Variants in ZFYVE9 observed in about 807,000 individuals in gnomAD.
ZFYVE9 encodes zinc finger FYVE-type containing 9.
Under a neutral mutation model 126.7 loss-of-function variants are expected in ZFYVE9, and 43 were observed. That is an observed-to-expected ratio of 0.34 (90% CI 0.27 to 0.44). The LOEUF is 0.44. Among genes scored for constraint, ZFYVE9 ranks in the 20% least tolerant of loss-of-function variants. The probability of loss-of-function intolerance (pLI) is 1.00; values close to 1 mark genes in which losing one functional copy is unlikely to be tolerated. For synonymous variants in ZFYVE9, 521 were observed against 597.4 expected, an observed-to-expected ratio of 0.87 and a Z score of 1.87; for missense variants, 1,476 against 1,697.0, an observed-to-expected ratio of 0.87 and a Z score of 2.29.
chr1:52,254,945 A>T (rs1428009603), intron 4 of ZFYVE9, among the ~76,000 whole-genome samples: 1 of 151,990 alleles, frequency 6.6e-6, no homozygotes, highest in African/African-American at 2.4e-5. Context: ...ATTAAAAAAT[A>T]GCTGGATATG....
At chr1:52,146,509 A>G (rs956555955) in intron 1 of ZFYVE9, among the ~76,000 whole-genome samples, 6 of 152,136 alleles carry the variant, frequency 3.9e-5, no homozygotes, top group East Asian at 3.8e-4. Context: ...CAAGTTTGTT[A>G]CCCTCTTTAA....
chr1:52,182,723 G>A (rs1644723809), intron 1 of ZFYVE9, among the ~76,000 whole-genome samples: 1 of 150,448 alleles, frequency 6.6e-6, no homozygotes. Flanking sequence ...CCCCCTCTGC[G>A]AGAAACACCC....
At position 52,215,531 on chromosome 1, in the gene ZFYVE9, T is replaced by G. The variant is rs142589972; in HGVS notation, c.-142-838T>G. On this transcript the variant is annotated intron_variant, in intron 1 of 18. Coordinates refer to ENST00000287727, the MANE Select transcript of ZFYVE9 (RefSeq NM_004799.4). Reference sequence around the variant, plus strand: ...TGCTGCCTCAGTTTATCTTTAAAATTAAGTAGTGTTCATTAAATTATCTCC... The same window carrying G: ...TGCTGCCTCAGTTTATCTTTAAAATGAAGTAGTGTTCATTAAATTATCTCC... Among the ~76,000 whole-genome samples, 1,096 of 152,334 alleles carry G rather than the reference T, an allele frequency of 7.2e-3. 12 individuals are homozygous for G. The highest frequency in any genetic ancestry group is 0.025 in the African/African-American group (1,040 of 41,590).
chr1:52,160,837 A>G (rs982585565), intron 1 of ZFYVE9, among the ~76,000 whole-genome samples: 5 of 152,200 alleles, frequency 3.3e-5, no homozygotes, highest in East Asian at 1.9e-4. Context: ...ATTGAAAACA[A>G]TATTTCAGTG....
intron 1 of ZFYVE9, chr1:52,179,738 A>G (rs1644679617): frequency 2.5e-6 from 1 of 402,544 alleles, no homozygotes; most frequent in Admixed American, 3.9e-5. Context: ...TTTTTATAGG[A>G]GCGGAGGAGG....
At chr1:52,240,155 A>C (rs1645319495) in intron 4 of ZFYVE9, among the ~76,000 whole-genome samples, 1 of 152,162 alleles carries the variant, frequency 6.6e-6, no homozygotes, top group South Asian at 2.1e-4. Context: ...GTAGAGTTGA[A>C]GTCTGTAGAT....
Position 52,219,029 on chromosome 1 carries a change from G to A in ZFYVE9, c.-37+2555G>A, listed in dbSNP as rs148526166. Among the ~76,000 whole-genome samples, 724 of 152,150 alleles carry A rather than the reference G, an allele frequency of 4.8e-3. 7 individuals carry two copies. Among genetic ancestry groups the A allele is most frequent in the African/African-American group, 0.015 (643 of 41,502 alleles). On this transcript the variant is annotated intron_variant, in intron 2 of 18. Coordinates refer to ENST00000287727, the MANE Select transcript of ZFYVE9 (RefSeq NM_004799.4). Reference sequence around the variant, plus strand: ...TGAAGTGGAGGTAGGGTTTTAGGGCGGTGCGACCCTCTGAGGAGGTCCAGC... The same window carrying A: ...TGAAGTGGAGGTAGGGTTTTAGGGCAGTGCGACCCTCTGAGGAGGTCCAGC...
intron 13 of ZFYVE9, among the ~76,000 whole-genome samples, chr1:52,320,318 C>G (rs527588812): frequency 3.0e-4 from 45 of 152,236 alleles, no homozygotes; most frequent in Non-Finnish European, 5.4e-4. Context: ...GATCCACCTA[C>G]CTCGGCCTCC....
chr1:52,272,751 C>T (rs1483051339), intron 7 of ZFYVE9, among the ~76,000 whole-genome samples: 1 of 148,506 alleles, frequency 6.7e-6, no homozygotes, highest in Non-Finnish European at 1.5e-5. Flanking sequence ...CTCACTGCAA[C>T]CTCCACCTTC....
chr1:52,253,692 A>G, intron 4 of ZFYVE9: 1 of 1,602,986 alleles, frequency 6.2e-7, no homozygotes, highest in Non-Finnish European at 8.5e-7. Context: ...CAGTACGGGA[A>G]ATTGGGTCAC....
chr1:52,271,547 GC>G (rs1285876987), intron 7 of ZFYVE9, among the ~76,000 whole-genome samples: 2 of 152,048 alleles, frequency 1.3e-5, no homozygotes, highest in African/African-American at 4.8e-5. Flanking sequence ...TAGATTTTAA[GC>G]CCCACAGTAA....
intron 1 of ZFYVE9, among the ~76,000 whole-genome samples, chr1:52,178,065 G>A (rs1644656566): frequency 3.3e-5 from 5 of 151,302 alleles, no homozygotes. Context: ...AGATCACGAA[G>A]TCAGGAGATC....
At chr1:52,269,390 A>G (rs1645666368) in intron 7 of ZFYVE9, among the ~76,000 whole-genome samples, 1 of 152,108 alleles carries the variant, frequency 6.6e-6, no homozygotes, top group Non-Finnish European at 1.5e-5. Context: ...TCAGCCTCCC[A>G]AAGTGCTAGG....
At chr1:52,209,010 A>C (rs1645003831) in intron 1 of ZFYVE9, among the ~76,000 whole-genome samples, 1 of 152,236 alleles carries the variant, frequency 6.6e-6, no homozygotes, top group Non-Finnish European at 1.5e-5. Context: ...TAGTGAGCAC[A>C]TGCTGTGTAT....
chr1:52,175,772 A>T (rs991181750), intron 1 of ZFYVE9, among the ~76,000 whole-genome samples: 1 of 152,126 alleles, frequency 6.6e-6, no homozygotes, highest in African/African-American at 2.4e-5. Flanking sequence ...CCATCACTGA[A>T]ACCGTTTCTT....
intron 1 of ZFYVE9, among the ~76,000 whole-genome samples, chr1:52,198,495 A>G (rs183039302): frequency 6.4e-4 from 98 of 152,194 alleles, no homozygotes; most frequent in African/African-American, 2.1e-3. Context: ...GTTCTTTTCA[A>G]ATTTGATGTG....
chr1:52,228,690 T>G (rs1431821762), intron 2 of ZFYVE9, among the ~76,000 whole-genome samples: 2 of 152,204 alleles, frequency 1.3e-5, no homozygotes, highest in African/African-American at 4.8e-5. Flanking sequence ...AGAATGCCAT[T>G]ATCACATCTA....
intron 15 of ZFYVE9, among the ~76,000 whole-genome samples, chr1:52,336,789 A>G (rs1292050260): frequency 6.6e-6 from 1 of 152,034 alleles, no homozygotes; most frequent in Non-Finnish European, 1.5e-5. Context: ...ATGTTGTTAA[A>G]TGATAAAATG....
At chr1:52,275,903 ATTTTTTT>A (rs34282653) in intron 8 of ZFYVE9, among the ~76,000 whole-genome samples, 2 of 115,678 alleles carry the variant, frequency 1.7e-5, no homozygotes, top group Non-Finnish European at 3.4e-5. Flanking sequence ...TTAGCAAGCA[ATTTTTTT>A]TTTTTTTTTT....
Sources: gnomAD v4.1 joint callset for allele counts (sites outside exome capture counted in the v4.1 genomes callset) on GRCh38, gnomAD v4.1.1 for gene constraint, MANE v1.5 for transcripts, NCBI Gene and HGNC (gene_info 2026-07-23, HGNC 2026-07-21) for gene names.